The following IL1RAPL2 variants were observed in gnomAD, a reference collection of about 807,000 sequenced individuals.
IL1RAPL2 encodes X-linked interleukin-1 receptor accessory protein-like 2.
In IL1RAPL2, 3 loss-of-function variants were observed where a neutral mutation model predicts 44.1. The observed-to-expected ratio is 0.07, with a 90% confidence interval of 0.03 to 0.18. The LOEUF is 0.18. IL1RAPL2 is among the 10% of genes least tolerant of loss of function. The probability of loss-of-function intolerance (pLI) is 1.00; values close to 1 mark genes in which losing one functional copy is unlikely to be tolerated. For synonymous variants in IL1RAPL2, 181 were observed against 178.8 expected, an observed-to-expected ratio of 1.01 and a Z score of -0.10; for missense variants, 391 against 496.4, an observed-to-expected ratio of 0.79 and a Z score of 2.02.
At chrX:104,954,485 ATAGT>A (rs1199618980) in intron 2 of IL1RAPL2, among the ~76,000 whole-genome samples, 3 of 112,116 alleles carry the variant, frequency 2.7e-5, no homozygotes, top group African/African-American at 9.7e-5. Flanking sequence ...TATTACACTA[ATAGT>A]TAGAGATTTC....
intron 2 of IL1RAPL2, among the ~76,000 whole-genome samples, chrX:105,170,157 T>C (rs1318897018): frequency 9.1e-6 from 1 of 109,419 alleles, no homozygotes; most frequent in East Asian, 2.9e-4. Context: ...AGGGAGAGAG[T>C]CTTTGGAATC....
At chrX:105,252,847 T>C (rs1466783619) in intron 4 of IL1RAPL2, among the ~76,000 whole-genome samples, 2 of 111,817 alleles carry the variant, frequency 1.8e-5, no homozygotes, top group African/African-American at 6.5e-5. Context: ...GAGCTGAATT[T>C]GAACCCTGAC....
At chrX:105,530,762 T>C in intron 6 of IL1RAPL2, among the ~76,000 whole-genome samples, 1 of 87,236 alleles carries the variant, frequency 1.1e-5, no homozygotes, top group South Asian at 8.7e-4. Context: ...CTGGTAACTA[T>C]CCTTGTACTC....
intron 2 of IL1RAPL2, among the ~76,000 whole-genome samples, chrX:104,981,066 TGTGTG>T (rs2030428980): frequency 9.3e-6 from 1 of 108,091 alleles, no homozygotes; most frequent in Non-Finnish European, 1.9e-5. Flanking sequence ...TGTGTGTGTG[TGTGTG>T]TGTGTGTGTG....
At chrX:105,321,887 G>A (rs903304226) in intron 5 of IL1RAPL2, among the ~76,000 whole-genome samples, 1 of 112,881 alleles carries the variant, frequency 8.9e-6, no homozygotes, top group African/African-American at 3.2e-5. Flanking sequence ...CCAACACAGG[G>A]TCTCTGACTG....
chrX:105,383,126 AAAG>A (rs1410799500), intron 5 of IL1RAPL2, among the ~76,000 whole-genome samples: 5 of 110,719 alleles, frequency 4.5e-5, no homozygotes, highest in African/African-American at 1.3e-4. Context: ...TAATAAAAAA[AAAG>A]AAAATCACAT....
Position 105,049,636 on chromosome X carries a change from C to CT in IL1RAPL2, c.83-145835dup, listed in dbSNP as rs2031891406. Among the ~76,000 whole-genome samples the CT allele has an allele frequency of 2.7e-5, 3 of 111,806 alleles. No individual in the cohort carries two copies. In the Admixed American group the frequency reaches 2.9e-4, roughly 11 times the overall value. On this transcript the variant is annotated intron_variant, in intron 2 of 10. Transcript: ENST00000372582. ...CAAATCTCATAATAGTGTTTTGAAA[C>CT]TTTTAAATCAAACATAACCCAATTA...
intron 1 of IL1RAPL2, among the ~76,000 whole-genome samples, chrX:104,645,979 G>T: frequency 8.9e-6 from 1 of 111,972 alleles, no homozygotes; most frequent in African/African-American, 3.2e-5. Context: ...CAGATTAATG[G>T]ATTAATGCTG....
intron 2 of IL1RAPL2, among the ~76,000 whole-genome samples, chrX:104,710,290 A>G (rs1427871670): frequency 9.0e-6 from 1 of 111,556 alleles, no homozygotes; most frequent in African/African-American, 3.2e-5. Context: ...CATACAATGG[A>G]ATATTATTTA....
At chrX:105,287,587 A>G (rs2034580901) in intron 5 of IL1RAPL2, among the ~76,000 whole-genome samples, 1 of 111,852 alleles carries the variant, frequency 8.9e-6, no homozygotes, top group Admixed American at 9.5e-5. Context: ...TTATGCTTGC[A>G]CTAGTCCAGG....
chrX:105,699,522 A>C (rs188575435), intron 6 of IL1RAPL2, among the ~76,000 whole-genome samples: 157 of 111,965 alleles, frequency 1.4e-3, no homozygotes, highest in African/African-American at 5.0e-3. Flanking sequence ...TAAAATGAGT[A>C]AATAATCTTG....
chrX:104,675,660 C>T (rs1217741728), intron 2 of IL1RAPL2, among the ~76,000 whole-genome samples: 2 of 110,536 alleles, frequency 1.8e-5, no homozygotes, highest in African/African-American at 6.6e-5. Context: ...TCCTTGTTGA[C>T]TTTCTGTCTC....
chrX:105,676,401 G>T (rs781370793), intron 6 of IL1RAPL2, among the ~76,000 whole-genome samples: 1 of 111,373 alleles, frequency 9.0e-6, no homozygotes, highest in African/African-American at 3.3e-5. Flanking sequence ...TAGCTGGAAG[G>T]CAGGAGAGCT....
intron 5 of IL1RAPL2, among the ~76,000 whole-genome samples, chrX:105,354,604 A>G (rs560414101): frequency 9.0e-6 from 1 of 111,162 alleles, no homozygotes; most frequent in East Asian, 2.9e-4. Context: ...GTACATATGT[A>G]ACAAACCTGC....
chrX:105,636,986 G>C (rs752270777), intron 6 of IL1RAPL2, among the ~76,000 whole-genome samples: 31 of 110,948 alleles, frequency 2.8e-4, no homozygotes, highest in Non-Finnish European at 4.3e-4. Flanking sequence ...AGTCTTAGGT[G>C]GGGGGGAGTA....
At chrX:104,707,366 A>G (rs1248978912) in intron 2 of IL1RAPL2, among the ~76,000 whole-genome samples, 2 of 111,555 alleles carry the variant, frequency 1.8e-5, no homozygotes, top group Non-Finnish European at 3.8e-5. Context: ...AATATTCACC[A>G]CCCTTTCAAG....
rs142833078 is a variant in IL1RAPL2 at position 105,258,442 on chromosome X, A to G, written c.544-8946A>G. On this transcript the variant is annotated intron_variant, in intron 4 of 10. Transcript: ENST00000372582. ...ATCTTCTTGTGTAGAATCTTGCAAG[A>G]GTTTTCTGTATTTCCTGAATTTGAT... Among the ~76,000 whole-genome samples the G allele has an allele frequency of 2.4e-3, 263 of 111,525 alleles. 1 individual carries two copies. The highest frequency in any genetic ancestry group is 8.3e-3 in the African/African-American group (255 of 30,717).
intron 2 of IL1RAPL2, among the ~76,000 whole-genome samples, chrX:105,147,563 A>G (rs1340590547): frequency 8.9e-6 from 1 of 111,774 alleles, no homozygotes; most frequent in Admixed American, 9.5e-5. Context: ...CCTGTTCTGG[A>G]TATTTCATAT....
chrX:105,628,522 A>G (rs1205393259), intron 6 of IL1RAPL2, among the ~76,000 whole-genome samples: 2 of 112,770 alleles, frequency 1.8e-5, no homozygotes, highest in Admixed American at 1.9e-4. Flanking sequence ...AATAATGAGG[A>G]AACGTGTGGG....
Sources: gnomAD v4.1 joint callset for allele counts (sites outside exome capture counted in the v4.1 genomes callset) on GRCh38, gnomAD v4.1.1 for gene constraint, MANE v1.5 for transcripts, NCBI Gene and HGNC (gene_info 2026-07-23, HGNC 2026-07-21) for gene names.